Variants in AFF2 observed in about 807,000 individuals in gnomAD.
AFF2 encodes ALF transcription elongation factor 2.
In AFF2, 14 loss-of-function variants were observed where a neutral mutation model predicts 76.9. The observed-to-expected ratio is 0.18, with a 90% CI of 0.12 to 0.28. AFF2 has a LOEUF of 0.28. Ranked by LOEUF, AFF2 falls within the 10% of genes least tolerant of loss-of-function variation. The pLI, the probability that AFF2 is intolerant of heterozygous loss-of-function variation, is 1.00. For missense variants in AFF2, 868 were observed against 1,001.1 expected, an observed-to-expected ratio of 0.87 and a Z score of 1.79; for synonymous variants, 398 against 366.7, an observed-to-expected ratio of 1.09 and a Z score of -0.98.
intron 1 of AFF2, among the ~76,000 whole-genome samples, chrX:148,637,255 A>G (rs781994537): frequency 1.2e-4 from 14 of 112,160 alleles, no homozygotes; most frequent in Non-Finnish European, 2.4e-4. Flanking sequence ...TTCATCAACA[A>G]TGCACCAATT....
chrX:148,516,323 A>G (rs1304210473), intron 1 of AFF2, among the ~76,000 whole-genome samples: 1 of 111,590 alleles, frequency 9.0e-6, no homozygotes, highest in East Asian at 2.8e-4. Context: ...TTGAGGGAAC[A>G]TGGGCTGAGA....
At position 148,873,137 on chromosome X, in the gene AFF2, CAG is replaced by C. The variant is rs2070998051; in HGVS notation, c.1263-12746_1263-12745del. 4.5e-5 allele frequency among the ~76,000 whole-genome samples: 5 copies of C among 111,571 alleles called. No individual in the cohort carries two copies. The South Asian group carries it at 1.5e-3, about 34-fold the overall frequency. On this transcript the variant is annotated intron_variant, in intron 7 of 20. Coordinates refer to ENST00000370460, the MANE Select transcript of AFF2 (RefSeq NM_002025.4). Reference sequence around the variant, plus strand: ...TTATACTGTTGAGAGGGACATTGCACAGAGAGATTCCTTCTTTACTACCCTCA... The same window carrying C: ...TTATACTGTTGAGAGGGACATTGCACAGAGATTCCTTCTTTACTACCCTCA...
At chrX:148,526,690 T>C (rs2052664391) in intron 1 of AFF2, among the ~76,000 whole-genome samples, 1 of 111,556 alleles carries the variant, frequency 9.0e-6, no homozygotes, top group South Asian at 3.7e-4. Flanking sequence ...AGGAAATATA[T>C]ACACGTACAT....
intron 11 of AFF2, among the ~76,000 whole-genome samples, chrX:148,956,891 G>T (rs1466232452): frequency 8.8e-6 from 1 of 113,014 alleles, no homozygotes; most frequent in African/African-American, 3.2e-5. Context: ...ACTTAGGCAA[G>T]GCACGCAAGT....
chrX:148,743,838 A>T (rs1225616158), intron 3 of AFF2, among the ~76,000 whole-genome samples: 1 of 111,307 alleles, frequency 9.0e-6, no homozygotes, highest in Admixed American at 9.6e-5. Flanking sequence ...TACATTCTGA[A>T]TTGATTATGG....
At chrX:148,964,214 G>A (rs1484009112) in intron 13 of AFF2, among the ~76,000 whole-genome samples, 3 of 112,022 alleles carry the variant, frequency 2.7e-5, no homozygotes, top group Middle Eastern at 4.7e-3. Context: ...AGAACTCTCA[G>A]TCTAAAGTGA....
At chrX:148,820,873 G>A (rs1322980188) in intron 4 of AFF2, among the ~76,000 whole-genome samples, 1 of 111,931 alleles carries the variant, frequency 8.9e-6, no homozygotes, top group Non-Finnish European at 1.9e-5. Context: ...AACCAGGATA[G>A]TGGGTAGTTT....
rs1840699957 is a variant in AFF2 at position 148,885,969 on chromosome X, C to A, written c.1343C>A (p.Ala448Asp). The change falls in exon 8 of 21, where the codon GCC (alanine) becomes GAC (aspartate). Residue 448 changes from alanine to aspartate, a missense_variant. Ala to Asp is a moderately radical substitution (Grantham distance 126). This residue lies in a region of AFF2 where 532 missense variants were observed against 564.2 expected (regional missense o/e 0.94). Coordinates refer to ENST00000370460, the MANE Select transcript of AFF2 (RefSeq NM_002025.4). Reference sequence around the variant, plus strand: ...AAGACCTTGACCACTCAGTGCACTGCCACTGAGCTCTACCAGGTTAGAAGA... The same window carrying A: ...AAGACCTTGACCACTCAGTGCACTGACACTGAGCTCTACCAGGTTAGAAGA... ...PVKTLTTQCT[A>D]TELYQAVEKA... 3 of 1,201,628 alleles carry A rather than the reference C, an allele frequency of 2.5e-6. No homozygotes were observed. Among genetic ancestry groups the A allele is most frequent in the Admixed American group, 2.2e-5 (1 of 45,962 alleles).
rs148099158 is a variant in AFF2, at chrX:148,869,859, C to T, written c.1263-16030C>T. ...TCTTCTCTCTCCCTGAGTCTCTTCA[C>T]ATACTCATCCTTCTATGGGTGACCG... On this transcript the variant is annotated intron_variant, in intron 7 of 20. Coordinates refer to ENST00000370460, the MANE Select transcript of AFF2 (RefSeq NM_002025.4). Among the ~76,000 whole-genome samples the T allele has an allele frequency of 7.4e-3, 822 of 111,513 alleles. 9 individuals carry two copies. The highest frequency in any genetic ancestry group is 0.025 in the African/African-American group (767 of 30,681).
intron 9 of AFF2, among the ~76,000 whole-genome samples, chrX:148,908,503 C>T (rs2071434726): frequency 8.9e-6 from 1 of 112,384 alleles, no homozygotes; most frequent in Admixed American, 9.4e-5. Flanking sequence ...CCCTGTTATT[C>T]TTGACTCATG....
chrX:148,970,908 G>A (rs1279188856), intron 15 of AFF2, among the ~76,000 whole-genome samples: 4 of 111,579 alleles, frequency 3.6e-5, no homozygotes, highest in African/African-American at 1.3e-4. Context: ...GCCCTTAGTT[G>A]CAAGTACTGT....
intron 4 of AFF2, among the ~76,000 whole-genome samples, chrX:148,811,928 A>C (rs1557271824): frequency 8.9e-6 from 1 of 112,064 alleles, no homozygotes; most frequent in African/African-American, 3.2e-5. Context: ...TATTCTTGAA[A>C]GAGAATCTAG....
At chrX:148,897,591 A>C (rs1047665448) in intron 8 of AFF2, among the ~76,000 whole-genome samples, 1 of 109,070 alleles carries the variant, frequency 9.2e-6, no homozygotes, top group African/African-American at 3.3e-5. Context: ...ATATTTTATC[A>C]GTATTTCCTG....
At chrX:148,614,051 G>A (rs1275092193) in intron 1 of AFF2, among the ~76,000 whole-genome samples, 8 of 112,020 alleles carry the variant, frequency 7.1e-5, no homozygotes, top group Non-Finnish European at 1.3e-4. Flanking sequence ...AATAAGATAT[G>A]TAAGAATTGG....
intron 15 of AFF2, among the ~76,000 whole-genome samples, chrX:148,969,017 C>T (rs1464627809): frequency 8.9e-6 from 1 of 112,815 alleles, no homozygotes; most frequent in Non-Finnish European, 1.9e-5. Context: ...AGGGAGCATA[C>T]ACATGTTCCA....
At chrX:148,707,370 T>G (rs2054899018) in intron 3 of AFF2, among the ~76,000 whole-genome samples, 1 of 111,496 alleles carries the variant, frequency 9.0e-6, no homozygotes, top group South Asian at 3.7e-4. Flanking sequence ...ATATTAATCT[T>G]TTTAAGTTCT....
At chrX:148,877,346 G>T (rs1297432925) in intron 7 of AFF2, among the ~76,000 whole-genome samples, 4 of 111,690 alleles carry the variant, frequency 3.6e-5, no homozygotes, top group African/African-American at 1.3e-4. Flanking sequence ...GCCCAAGAAG[G>T]TCTATCCAGC....
intron 1 of AFF2, among the ~76,000 whole-genome samples, chrX:148,538,251 G>A (rs781979911): frequency 1.2e-4 from 13 of 112,651 alleles, no homozygotes; most frequent in Non-Finnish European, 2.3e-4. Context: ...TAATACAGTT[G>A]TTCTCAGGTA....
Position 148,576,228 on chromosome X carries a change from A to G in AFF2, c.47+75084A>G, listed in dbSNP as rs781897213. ...ATAACTGGATTATCTGATTTCCTAC[A>G]AGTTCTGCAATGACAAAGTGGCAGC... On this transcript the variant is annotated intron_variant, in intron 1 of 20. Transcript: ENST00000370460. 4.4e-4 allele frequency among the ~76,000 whole-genome samples: 49 copies of G among 111,906 alleles called. 1 individual carries two copies. Among genetic ancestry groups the G allele is most frequent in the South Asian group, 7.3e-4 (2 of 2,723 alleles).
Sources: allele counts gnomAD v4.1 joint callset (sites outside exome capture counted in the v4.1 genomes callset), GRCh38; gene constraint gnomAD v4.1.1; regional missense constraint gnomAD v4.1.1; transcripts MANE v1.5; gene names NCBI Gene and HGNC (gene_info 2026-07-23, HGNC 2026-07-21).